Variants in MED12L observed in about 807,000 individuals in gnomAD.
MED12L encodes the protein mediator of RNA polymerase II transcription subunit 12-like protein.
Under a neutral mutation model 281.3 loss-of-function variants are expected in MED12L, and 60 were observed. The ratio of observed to expected loss-of-function variants is 0.21; its 90% confidence interval spans 0.17 to 0.26. The LOEUF is 0.26. Among genes scored for constraint, MED12L ranks in the 10% least tolerant of loss-of-function variants. The pLI is 1.00. For missense variants in MED12L, 2,146 were observed against 2,680.9 expected, an observed-to-expected ratio of 0.80 and a Z score of 4.41; for synonymous variants, 974 against 987.2, an observed-to-expected ratio of 0.99 and a Z score of 0.25.
At chr3:151,104,085 T>C (rs759895476) in intron 2 of MED12L, among the ~76,000 whole-genome samples, 2 of 152,196 alleles carry the variant, frequency 1.3e-5, no homozygotes, top group Non-Finnish European at 2.9e-5. Flanking sequence ...CATATCCTTT[T>C]GGTTTTGTTG....
At chr3:151,226,788 A>G (rs1259301499) in intron 16 of MED12L, among the ~76,000 whole-genome samples, 8 of 152,212 alleles carry the variant, frequency 5.3e-5, no homozygotes. Context: ...TTCTAAAAGT[A>G]TTTAAAATGA....
chr3:151,408,240 T>A (rs1716554722), intron 39 of MED12L, among the ~76,000 whole-genome samples: 1 of 152,098 alleles, frequency 6.6e-6, no homozygotes, highest in Non-Finnish European at 1.5e-5. Context: ...AAAATGAGAG[T>A]AAGAACCAGA....
intron 16 of MED12L, among the ~76,000 whole-genome samples, chr3:151,301,299 A>G (rs1274295381): frequency 6.6e-6 from 1 of 152,222 alleles, no homozygotes; most frequent in African/African-American, 2.4e-5. Flanking sequence ...AAGCCTAAAA[A>G]GCTTGAATCC....
intron 16 of MED12L, among the ~76,000 whole-genome samples, chr3:151,247,962 CTTTTTTTTTT>C (rs61102632): frequency 2.8e-4 from 21 of 75,906 alleles, no homozygotes; most frequent in Admixed American, 1.2e-3. Context: ...TCTTCTTCTT[CTTTTTTTTTT>C]TTTTTTTTTT....
chr3:151,413,022 C>A, intron 41 of MED12L, 117 bp from the exon 42 acceptor site: 2 of 1,188,120 alleles, frequency 1.7e-6, no homozygotes, highest in Non-Finnish European at 2.3e-6. Context: ...TTGAATTGTG[C>A]AAAGGATTAT....
intron 16 of MED12L, among the ~76,000 whole-genome samples, chr3:151,309,114 T>TACACAC (rs1553775101): frequency 2.8e-4 from 39 of 138,070 alleles, no homozygotes; most frequent in South Asian, 2.8e-3. Flanking sequence ...TTTCATGAAA[T>TACACAC]ACACGCACAC....
At chr3:151,108,763 G>T (rs16863172) in intron 2 of MED12L, among the ~76,000 whole-genome samples, 45,980 of 152,052 alleles carry the variant, frequency 0.3, 8,950 homozygotes, top group African/African-American at 0.55. Context: ...GTGCGATAGA[G>T]GGTGACGCTC....
In MED12L at chr3:151,313,672, C is replaced by T. The variant is rs146347498; in HGVS notation, c.2251-36387C>T. Among the ~76,000 whole-genome samples the T allele has an allele frequency of 7.1e-3, 1,085 of 152,132 alleles. 14 individuals are homozygous for T. Among genetic ancestry groups the T allele is most frequent in the African/African-American group, 0.025 (1,025 of 41,502 alleles). On this transcript the variant is annotated intron_variant, in intron 16 of 44. Transcript: ENST00000687756. ...CATCCTGGCCAACATGGTGAAACCCCGTCTCTACTAAAAATACAAAAATTA... is the reference window on the plus strand; with the variant it reads ...CATCCTGGCCAACATGGTGAAACCCTGTCTCTACTAAAAATACAAAAATTA...
At chr3:151,158,652 TAACA>T in intron 6 of MED12L, 33 bp from the exon 7 acceptor site, 2 of 1,418,526 alleles carry the variant, frequency 1.4e-6, no homozygotes. Flanking sequence ...TTTTTTTCTT[TAACA>T]TTATTAATGT....
At chr3:151,206,273 T>G (rs1364930464) in intron 16 of MED12L, among the ~76,000 whole-genome samples, 1 of 152,072 alleles carries the variant, frequency 6.6e-6, no homozygotes, top group Non-Finnish European at 1.5e-5. Context: ...TGTTTTTTTT[T>G]CTTTACTGAA....
chr3:151,164,119 GT>G, intron 9 of MED12L, 77 bp downstream of exon 9: 1 of 1,492,126 alleles, frequency 6.7e-7, no homozygotes, highest in Non-Finnish European at 9.1e-7. Flanking sequence ...TCAAGCACAG[GT>G]TTTAGTATCT....
intron 16 of MED12L, among the ~76,000 whole-genome samples, chr3:151,284,154 C>T (rs758084044): frequency 2.6e-5 from 4 of 152,092 alleles, no homozygotes; most frequent in Non-Finnish European, 5.9e-5. Context: ...CATCCTGCCA[C>T]GATGTGTGGG....
chr3:151,355,294 A>AT lies in MED12L; in HGVS notation c.2517+62dup. The AT allele has an allele frequency of 4.8e-6, 6 of 1,251,110 alleles. No individual in the cohort carries two copies. In the East Asian group the frequency reaches 9.4e-5, roughly 20 times the overall value. The allele number at this position is 1,251,110 out of a possible 1,614,324, so 77.5% of individuals were successfully genotyped here. A position where few individuals can be genotyped will look rare whatever the true frequency, so the allele number is the denominator to read the frequency against. ...TTGCAGTATTCTAATTTACTTAAAA[A>AT]TTTTTTTCATGCAGTATATTTTCTC... On this transcript the variant is annotated intron_variant, in intron 18 of 44. Coordinates refer to ENST00000687756, the MANE Select transcript of MED12L (RefSeq NM_001393769.1).
At chr3:151,293,638 T>TACACACACACACACACACACAC (rs199892582) in intron 16 of MED12L, among the ~76,000 whole-genome samples, 1 of 99,670 alleles carries the variant, frequency 1.0e-5, no homozygotes, top group African/African-American at 3.9e-5. Context: ...ATGAAGCCCT[T>TACACACACACACACACACACAC]ACACACACAC....
intron 6 of MED12L, among the ~76,000 whole-genome samples, chr3:151,157,115 G>T (rs1183127534): frequency 1.3e-5 from 2 of 152,094 alleles, no homozygotes; most frequent in African/African-American, 4.8e-5. Flanking sequence ...CTACTTTAGT[G>T]CTGCCCTGAG....
intron 16 of MED12L, among the ~76,000 whole-genome samples, chr3:151,240,389 T>G (rs1485588819): frequency 6.6e-6 from 1 of 152,212 alleles, no homozygotes; most frequent in Non-Finnish European, 1.5e-5. Flanking sequence ...TCCTAATAAG[T>G]TATTAGCAGG....
intron 5 of MED12L, among the ~76,000 whole-genome samples, chr3:151,150,413 G>A (rs187892727): frequency 4.9e-4 from 75 of 152,234 alleles, no homozygotes; most frequent in African/African-American, 1.5e-3. Flanking sequence ...TCTGTAAGCC[G>A]TGCTGTAAAC....
At chr3:151,166,069 T>A in intron 11 of MED12L, 87 bp downstream of exon 11, 1 of 1,170,750 alleles carries the variant, frequency 8.5e-7, no homozygotes, top group Non-Finnish European at 1.2e-6. Context: ...TGGCGAAACC[T>A]TTTCTATGAA....
At chr3:151,220,405 A>G (rs1218233165) in intron 16 of MED12L, among the ~76,000 whole-genome samples, 3 of 152,112 alleles carry the variant, frequency 2.0e-5, no homozygotes, top group African/African-American at 7.2e-5. Context: ...GTGCATACAC[A>G]TTACCTGGGA....
Sources: gnomAD v4.1 joint callset for allele counts (sites outside exome capture counted in the v4.1 genomes callset) on GRCh38, gnomAD v4.1.1 for gene constraint, MANE v1.5 for transcripts, NCBI Gene and HGNC (gene_info 2026-07-23, HGNC 2026-07-21) for gene names.